The following NFASC variants were observed in gnomAD, a reference collection of about 807,000 sequenced individuals.
NFASC encodes the protein neurofascin.
Under a neutral mutation model 147.5 loss-of-function variants are expected in NFASC, and 43 were observed. The observed-to-expected ratio is 0.29, with a 90% CI of 0.23 to 0.38. The LOEUF (loss-of-function observed/expected upper bound fraction) is 0.38. Among genes scored for constraint, NFASC ranks in the 10% least tolerant of loss-of-function variants. The pLI is 1.00. For synonymous variants in NFASC, 622 were observed against 665.5 expected (o/e 0.93, Z 1.01); for missense variants, 1,320 against 1,689.0 (o/e 0.78, Z 3.83).
intron 3 of NFASC, among the ~76,000 whole-genome samples, chr1:204,947,946 ATCC>A (rs2093877436): frequency 6.6e-6 from 1 of 151,658 alleles, no homozygotes; most frequent in African/African-American, 2.4e-5. Context: ...ACCCTCACAT[ATCC>A]TCACATGCTC....
chr1:204,862,908 T>C (rs2102872473), intron 1 of NFASC, among the ~76,000 whole-genome samples: 1 of 152,328 alleles, frequency 6.6e-6, no homozygotes, highest in Non-Finnish European at 1.5e-5. Context: ...TCAAATATTT[T>C]AGCCAGCTTT....
At chr1:204,876,098 A>AT (rs938979054) in intron 1 of NFASC, among the ~76,000 whole-genome samples, 8 of 152,082 alleles carry the variant, frequency 5.3e-5, no homozygotes, top group African/African-American at 1.7e-4. Flanking sequence ...TTTCTTAGAG[A>AT]TTTTTTGTTT....
rs777222839 is a variant in NFASC, at chr1:205,017,571, C to G, written c.*1032C>G. On this transcript the variant is annotated 3_prime_UTR_variant, in exon 30 of 30. Coordinates refer to ENST00000339876, the MANE Select transcript of NFASC (RefSeq NM_001005388.3). The stretch of plus-strand genomic sequence containing the variant: ...GTCCAGAGTAGAGGGCACCTGTCCA[C>G]GTGGCCAGGGCCCATGCTGCCACCC... 2 of 152,716 alleles carry G rather than the reference C, an allele frequency of 1.3e-5. No homozygotes were observed. The highest frequency in any genetic ancestry group is 2.9e-5 in the Non-Finnish European group (2 of 68,086). 9.5% of individuals were successfully genotyped at this position (152,716 alleles called of 1,614,324 possible). A position where few individuals can be genotyped will look rare whatever the true frequency, so the allele number is the denominator to read the frequency against.
At chr1:204,887,490 C>T (rs548629410) in intron 1 of NFASC, among the ~76,000 whole-genome samples, 1 of 150,584 alleles carries the variant, frequency 6.6e-6, no homozygotes, top group South Asian at 2.1e-4. Context: ...CAAGTGCCTG[C>T]TTCCAATTCT....
intron 23 of NFASC, chr1:204,990,300 T>A (rs1321333403): frequency 6.6e-6 from 1 of 152,318 alleles, no homozygotes; most frequent in East Asian, 1.9e-4. Flanking sequence ...TGTGTGTCTG[T>A]CACCAAAGGC....
In NFASC at chr1:204,976,893, A is replaced by G. The variant is rs2095417444; in HGVS notation, c.1831+98A>G. 7 of 1,522,940 alleles carry G rather than the reference A, an allele frequency of 4.6e-6. No homozygotes were observed. The East Asian group carries it at 1.4e-4, about 31-fold the overall frequency. The allele number at this position is 1,522,940 out of a possible 1,614,324, so 94.3% of individuals were successfully genotyped here. A position where few individuals can be genotyped will look rare whatever the true frequency, so the allele number is the denominator to read the frequency against. On this transcript the variant is annotated intron_variant, in intron 16 of 29. Transcript: ENST00000339876. ...GGGCAGTTCCGAGGGCAGTGCCTGC[A>G]GTCAAGTGGCCGGGTCAGGCGTGGT...
At chr1:204,993,711 G>T in intron 24 of NFASC, 2 of 508,570 alleles carry the variant, frequency 3.9e-6, no homozygotes, top group South Asian at 2.9e-5. Flanking sequence ...CACTGGCCAG[G>T]ATTGCTTCCA....
chr1:204,967,234 G>A (rs1030047517), intron 8 of NFASC, among the ~76,000 whole-genome samples: 1 of 152,096 alleles, frequency 6.6e-6, no homozygotes, highest in Non-Finnish European at 1.5e-5. Context: ...TTGGCCAGGG[G>A]GTACTTCCTC....
At chr1:204,957,634 C>T (rs751489825) in intron 7 of NFASC, 22 bp from the exon 8 acceptor site, 8 of 1,612,268 alleles carry the variant, frequency 5.0e-6, no homozygotes, top group African/African-American at 2.7e-5. Context: ...TAACCTGCTG[C>T]CGTACCTCTG....
intron 1 of NFASC, among the ~76,000 whole-genome samples, chr1:204,865,834 A>G (rs373676894): frequency 1.3e-5 from 2 of 152,188 alleles, no homozygotes; most frequent in African/African-American, 4.8e-5. Flanking sequence ...CTGAATACCC[A>G]GAGGTAGAAC....
At chr1:204,955,282 A>C (rs1315917411) in intron 7 of NFASC, among the ~76,000 whole-genome samples, 3 of 152,242 alleles carry the variant, frequency 2.0e-5, no homozygotes, top group Non-Finnish European at 4.4e-5. Context: ...CAATACGTCC[A>C]AAGTGCTTAG....
At position 204,888,754 on chromosome 1, in the gene NFASC, A is replaced by G. The variant is rs190278038; in HGVS notation, c.-199-31878A>G. Among the ~76,000 whole-genome samples, 20 of 152,380 alleles carry G rather than the reference A, an allele frequency of 1.3e-4. No homozygotes were observed. The East Asian group carries it at 3.9e-3, about 29-fold the overall frequency. On this transcript the variant is annotated intron_variant, in intron 1 of 29. Transcript: ENST00000339876. ...GATTTTAAAATGCTTACAGAATTAAATGAATGAGTATGACAAGATGGCAAG... is the reference window on the plus strand; with the variant it reads ...GATTTTAAAATGCTTACAGAATTAAGTGAATGAGTATGACAAGATGGCAAG...
At chr1:204,914,408 A>G (rs1428747532) in intron 1 of NFASC, among the ~76,000 whole-genome samples, 1 of 152,164 alleles carries the variant, frequency 6.6e-6, no homozygotes, top group African/African-American at 2.4e-5. Flanking sequence ...CTCAGCTCTC[A>G]TTCTTGTCTC....
At chr1:204,888,592 C>T (rs2148996311) in intron 1 of NFASC, among the ~76,000 whole-genome samples, 1 of 152,314 alleles carries the variant, frequency 6.6e-6, no homozygotes, top group African/African-American at 2.4e-5. Flanking sequence ...TGGTTTGATT[C>T]CATGGCACTG....
Position 204,979,119 on chromosome 1 carries a change from C to A in NFASC, c.1978+50C>A. ...AGCTGGAAAAGAGGGACGGCAACACCCTTAAACCGAAGGCCTTTCCTGGTT... is the reference window on the plus strand; with the variant it reads ...AGCTGGAAAAGAGGGACGGCAACACACTTAAACCGAAGGCCTTTCCTGGTT... On this transcript the variant is annotated intron_variant, in intron 18 of 29. Transcript: ENST00000339876. This position sits in a 1 kb window ranked among gnomAD's most constrained non-coding sequence, Gnocchi z 6.0. The A allele has an allele frequency of 6.9e-7, 1 of 1,446,496 alleles. No individual in the cohort carries two copies. Among genetic ancestry groups the A allele is most frequent in the Non-Finnish European group, 9.5e-7 (1 of 1,057,210 alleles). 89.6% of individuals were successfully genotyped at this position (1,446,496 alleles called of 1,614,324 possible). A position where few individuals can be genotyped will look rare whatever the true frequency, so the allele number is the denominator to read the frequency against.
chr1:204,988,947 C>G, intron 23 of NFASC, 141 bp downstream of exon 23: 2 of 753,078 alleles, frequency 2.7e-6, no homozygotes, highest in Non-Finnish European at 4.5e-6. Flanking sequence ...AAGGTGAGAA[C>G]CCATCTTATG....
chr1:205,009,552 G>A lies in NFASC; in HGVS notation c.3290-5G>A, dbSNP rs571215272. On this transcript the variant is annotated splice_polypyrimidine_tract_variant and splice_region_variant and intron_variant, in intron 27 of 29. Coordinates refer to ENST00000339876, the MANE Select transcript of NFASC (RefSeq NM_001005388.3). ...CACGGGTTTGCTTCCGGCCCTCCCC[G>A]CCAGCTTACACCAACAACCAAGCGG... 25 of 1,613,824 alleles carry A rather than the reference G, an allele frequency of 1.5e-5. No individual in the cohort carries two copies. Among genetic ancestry groups the A allele is most frequent in the South Asian group, 8.8e-5 (8 of 91,074 alleles).
chr1:205,003,115 G>A lies in NFASC; in HGVS notation c.3289+367G>A, dbSNP rs151235718. On this transcript the variant is annotated intron_variant, in intron 27 of 29. Coordinates refer to ENST00000339876, the MANE Select transcript of NFASC (RefSeq NM_001005388.3). ...GAGAGTAGTGCAGCCTGGCCTGTGC[G>A]CACAGGGGCTGGCTCCCTTCATGCA... Among the ~76,000 whole-genome samples the A allele has an allele frequency of 2.1e-3, 323 of 152,284 alleles. 1 individual carries two copies. The highest frequency in any genetic ancestry group is 6.8e-3 in the Middle Eastern group (2 of 294).
chr1:204,924,940 A>G (rs1454453629), intron 2 of NFASC, among the ~76,000 whole-genome samples: 3 of 152,212 alleles, frequency 2.0e-5, no homozygotes, highest in Admixed American at 6.5e-5. Context: ...CAGTGGTGCA[A>G]TCTGGGCTCA....
Sources: allele counts gnomAD v4.1 joint callset (sites outside exome capture counted in the v4.1 genomes callset), GRCh38; gene constraint gnomAD v4.1.1; non-coding constraint Gnocchi (gnomAD v3.1); transcripts MANE v1.5; gene names NCBI Gene and HGNC (gene_info 2026-07-23, HGNC 2026-07-21).